Variants in ARL5A observed in about 807,000 individuals in gnomAD.
The protein encoded by ARL5A is ADP-ribosylation factor-like protein 5A.
In ARL5A, 18 loss-of-function variants were observed where a neutral mutation model predicts 25.9. The observed-to-expected ratio is 0.69, with a 90% confidence interval of 0.48 to 1.03. The LOEUF (loss-of-function observed/expected upper bound fraction) is 1.03, where lower values mean the gene tolerates loss of function less well. Among genes scored for constraint, ARL5A ranks in the 50% least tolerant of loss-of-function variants. The pLI is 0.00. For missense variants in ARL5A, 170 were observed against 211.9 expected, an observed-to-expected ratio of 0.80 and a Z score of 1.23; for synonymous variants, 61 against 67.5, an observed-to-expected ratio of 0.90 and a Z score of 0.47.
intron 1 of ARL5A, 69 bp from the exon 2 acceptor site, chr2:151,815,268 A>G: frequency 8.0e-7 from 1 of 1,256,984 alleles, no homozygotes; most frequent in Non-Finnish European, 1.1e-6. Flanking sequence ...ATAGGAAAAA[A>G]TATACTCTGT....
At chr2:151,814,102 G>C (rs2151294453) in intron 3 of ARL5A, 67 bp downstream of exon 3, 1 of 1,368,400 alleles carries the variant, frequency 7.3e-7, no homozygotes, top group East Asian at 2.5e-5. Context: ...TTAACTATAA[G>C]GACTCAAATC....
At chr2:151,819,022 A>T (rs767576042) in intron 1 of ARL5A, among the ~76,000 whole-genome samples, 1 of 152,234 alleles carries the variant, frequency 6.6e-6, no homozygotes, top group Non-Finnish European at 1.5e-5. Flanking sequence ...ACTCTGACCA[A>T]TGAAATACCA....
chr2:151,810,954 C>T (rs1010811910), intron 4 of ARL5A, among the ~76,000 whole-genome samples: 6 of 151,500 alleles, frequency 4.0e-5, no homozygotes, highest in African/African-American at 1.2e-4. Context: ...GAAAAAAAAA[C>T]AAACAAAAAA....
At chr2:151,812,320 C>A (rs752948298) in intron 4 of ARL5A, 37 bp downstream of exon 4, 11 of 1,400,294 alleles carry the variant, frequency 7.9e-6, no homozygotes, top group African/African-American at 1.4e-5. Context: ...TTCCCATACC[C>A]TTCCCCATAT....
At chr2:151,812,276 C>T in intron 4 of ARL5A, 81 bp downstream of exon 4, 1 of 952,110 alleles carries the variant, frequency 1.1e-6, no homozygotes, top group Admixed American at 2.7e-5. Flanking sequence ...AAATTGATAG[C>T]ACCCTCATGA....
Position 151,814,258 on chromosome 2 carries a change from C to T in ARL5A, c.166G>A (p.Val56Met), listed in dbSNP as rs775988971. The change falls in exon 3 of 6, where the codon GTG (valine) becomes ATG (methionine). Residue 56 changes from valine (V) to methionine (M), a missense_variant. Val to Met is a conservative substitution (Grantham distance 21). Transcript: ENST00000295087. ...PTIGSNVEEI[V>M]INNTRFLMWD... Reference sequence around the variant, plus strand: ...ATTAGGAAACGTGTATTATTAATCACTATCTCTTCTACATTACTTCCTATT... The same window carrying T: ...ATTAGGAAACGTGTATTATTAATCATTATCTCTTCTACATTACTTCCTATT... 1.9e-6 allele frequency: 3 copies of T among 1,603,832 alleles called. No individual in the cohort carries two copies. The highest frequency in any genetic ancestry group is 3.4e-5 in the Admixed American group (2 of 58,170).
intron 2 of ARL5A, 41 bp downstream of exon 2, chr2:151,815,098 T>C (rs1228178017): frequency 1.4e-5 from 21 of 1,470,944 alleles, no homozygotes; most frequent in Non-Finnish European, 1.9e-5. Flanking sequence ...GCCAAAAAAG[T>C]AACTAGAAAT....
intron 1 of ARL5A, among the ~76,000 whole-genome samples, chr2:151,816,475 T>C (rs2099831516): frequency 6.6e-6 from 1 of 152,172 alleles, no homozygotes; most frequent in South Asian, 2.1e-4. Context: ...CTTTAAGTCA[T>C]AAAATTAAAG....
chr2:151,808,327 G>A (rs2099830358), intron 4 of ARL5A, among the ~76,000 whole-genome samples: 1 of 152,186 alleles, frequency 6.6e-6, no homozygotes, highest in Admixed American at 6.5e-5. Context: ...AATAATGTAT[G>A]TGTTTGAATA....
chr2:151,804,895 TAA>T (rs1417975566), intron 5 of ARL5A, among the ~76,000 whole-genome samples: 5 of 152,162 alleles, frequency 3.3e-5, no homozygotes, highest in Admixed American at 2.6e-4. Context: ...AGCTGAACTA[TAA>T]AAGAAAAACA....
intron 5 of ARL5A, among the ~76,000 whole-genome samples, chr2:151,806,284 C>T (rs1458626539): frequency 6.6e-6 from 1 of 152,192 alleles, no homozygotes; most frequent in African/African-American, 2.4e-5. Flanking sequence ...GCTACACTCT[C>T]TCCAATTCCC....
chr2:151,812,489 G>A (rs773015438), intron 3 of ARL5A, 49 bp from the exon 4 acceptor site: 19 of 1,250,988 alleles, frequency 1.5e-5, no homozygotes, highest in Non-Finnish European at 1.9e-5. Context: ...TTTGGTATCT[G>A]TAAAATTTAT....
At chr2:151,810,465 C>G (rs2099830693) in intron 4 of ARL5A, 2 of 370,226 alleles carry the variant, frequency 5.4e-6, no homozygotes, top group Non-Finnish European at 1.1e-5. Flanking sequence ...TGCTCAAACT[C>G]CCAACTTCAT....
Position 151,799,869 on chromosome 2 carries a change from G to A in ARL5A, c.*3407C>T, listed in dbSNP as rs72995385. Reference sequence around the variant, plus strand: ...AGTTTAGAATAACCTCCAGGACAGAGATCTCTTCACTAATAGTAAATGAAG... The same window carrying A: ...AGTTTAGAATAACCTCCAGGACAGAAATCTCTTCACTAATAGTAAATGAAG... On this transcript the variant is annotated 3_prime_UTR_variant, in exon 6 of 6. Transcript: ENST00000295087. 1 of 152,192 alleles carries A rather than the reference G, an allele frequency of 6.6e-6. No homozygotes were observed. Among genetic ancestry groups the A allele is most frequent in the South Asian group, 2.1e-4 (1 of 4,828 alleles). The allele number at this position is 152,192 out of a possible 1,614,324, so 9.4% of individuals were successfully genotyped here. A position where few individuals can be genotyped will look rare whatever the true frequency, so the allele number is the denominator to read the frequency against.
chr2:151,828,196 C>G lies in ARL5A; in HGVS notation c.-20G>C, dbSNP rs184356363. The G allele has an allele frequency of 1.0e-3, 1,641 of 1,605,270 alleles. 19 individuals carry two copies. In the African/African-American group the frequency reaches 0.02, roughly 20 times the overall value. ...TCCCATTCTCGGGCAGCGGACCCCC[C>G]CCCTCCAGACACCCGGGCCGCCTGG... is the stretch of plus-strand genomic sequence containing the variant. On this transcript the variant is annotated 5_prime_UTR_variant, in exon 1 of 6. Transcript: ENST00000295087.
intron 1 of ARL5A, 138 bp from the exon 2 acceptor site, chr2:151,815,337 G>T: frequency 3.1e-6 from 2 of 655,558 alleles, no homozygotes; most frequent in African/African-American, 1.9e-5. Flanking sequence ...TTTCTCAGAA[G>T]TCAAAAGAAC....
rs1018251754 is a variant in ARL5A, at chr2:151,800,006, C to G, written c.*3270G>C. On this transcript the variant is annotated 3_prime_UTR_variant, in exon 6 of 6. Transcript: ENST00000295087. The stretch of plus-strand genomic sequence containing the variant: ...GTCAAAGTTACGAGGAGAAACTTGT[C>G]TCTACCCAGCCTTGAAAAAGTGATT... 2 of 152,154 alleles carry G rather than the reference C, an allele frequency of 1.3e-5. No individual in the cohort carries two copies. Among genetic ancestry groups the G allele is most frequent in the African/African-American group, 4.8e-5 (2 of 41,420 alleles). 9.4% of individuals were successfully genotyped at this position (152,154 alleles called of 1,614,324 possible).
At chr2:151,828,074 AGCCG>A in intron 1 of ARL5A, 53 bp downstream of exon 1, 1 of 1,565,254 alleles carries the variant, frequency 6.4e-7, no homozygotes, top group Non-Finnish European at 8.7e-7. Context: ...ACCCCCACCT[AGCCG>A]GCCCGAGCTG....
intron 1 of ARL5A, among the ~76,000 whole-genome samples, chr2:151,824,478 C>CTAATAATAATAA (rs61097162): frequency 0.051 from 7,661 of 150,366 alleles, 368 homozygotes; most frequent in African/African-American, 0.12. Flanking sequence ...TTTAAACTCC[C>CTAATAATAATAA]TAATAATAAT....
Sources: allele counts gnomAD v4.1 joint callset (sites outside exome capture counted in the v4.1 genomes callset), GRCh38; gene constraint gnomAD v4.1.1; transcripts MANE v1.5; gene names NCBI Gene and HGNC (gene_info 2026-07-23, HGNC 2026-07-21).